CD24: variants seen among roughly 807,000 people sequenced by gnomAD.
The protein encoded by CD24 is CD24 molecule, also known as signal transducer CD24.
In CD24, 2 loss-of-function variants were observed where a neutral mutation model predicts 3.6. The observed-to-expected ratio is 0.56, with a 90% CI of 0.23 to 1.77. The LOEUF (loss-of-function observed/expected upper bound fraction) is 1.77, where lower values mean the gene tolerates loss of function less well. Ranked by LOEUF, CD24 falls within the 40% of genes most tolerant of loss-of-function variation. CD24 has a pLI of 0.18. For synonymous variants in CD24, 33 were observed against 44.9 expected, an observed-to-expected ratio of 0.74 and a Z score of 1.06; for missense variants, 62 against 93.6, an observed-to-expected ratio of 0.66 and a Z score of 1.39.
intron 1 of CD24, among the ~76,000 whole-genome samples, 160 bp downstream of exon 1, chr6:106,974,418 C>T (rs1452835522): frequency 6.6e-6 from 1 of 152,170 alleles, no homozygotes; most frequent in African/African-American, 2.4e-5. Context: ...AAAATGGGGT[C>T]CACATGGCCC....
upstream of CD24, chr6:106,975,210 CTGCAAAA>C (rs1355376211): frequency 1.5e-4 from 23 of 152,194 alleles, no homozygotes; most frequent in Non-Finnish European, 2.6e-4. Flanking sequence ...GCCACTCAGA[CTGCAAAA>C]TGCGCCCCGG....
chr6:106,974,013 G>C, intron 1 of CD24: 1 of 397,808 alleles, frequency 2.5e-6, no homozygotes, highest in East Asian at 3.6e-5. Context: ...CTCGGCTTCA[G>C]CCCGGAACCG....
upstream of CD24, chr6:106,975,380 G>C (rs1773087467): frequency 6.6e-6 from 1 of 151,818 alleles, no homozygotes; most frequent in African/African-American, 2.4e-5. Flanking sequence ...CTGGCCGACG[G>C]GACCCGGGCG....
chr6:106,974,383 G>C (rs1054543347), intron 1 of CD24, among the ~76,000 whole-genome samples, 195 bp downstream of exon 1: 9 of 152,210 alleles, frequency 5.9e-5, no homozygotes, highest in African/African-American at 1.9e-4. Context: ...GTGGGAGGAG[G>C]GGGGGCAGCA....
At position 106,971,629 on chromosome 6, in the gene CD24, A is replaced by G; in HGVS notation, c.*32T>C. ...TTTGGATTGGGTTTAGAAGATGGGG[A>G]AATTTAGAAGACGTTTCTTGGCCTG... is the stretch of plus-strand genomic sequence containing the variant. On this transcript the variant is annotated 3_prime_UTR_variant, in exon 2 of 2. Coordinates refer to ENST00000606017, the MANE Select transcript of CD24 (RefSeq NM_001359084.1). The G allele has an allele frequency of 6.5e-7, 1 of 1,541,046 alleles. No individual in the cohort carries two copies. Among genetic ancestry groups the G allele is most frequent in the East Asian group, 2.5e-5 (1 of 40,772 alleles).
At chr6:106,972,910 T>C (rs1471866346) in intron 1 of CD24, among the ~76,000 whole-genome samples, 4 of 152,170 alleles carry the variant, frequency 2.6e-5, no homozygotes, top group Non-Finnish European at 5.9e-5. Flanking sequence ...TAAACAAATA[T>C]TGACTACAGA....
intron 1 of CD24, among the ~76,000 whole-genome samples, chr6:106,972,994 G>C (rs1773010441): frequency 2.6e-5 from 4 of 151,946 alleles, no homozygotes; most frequent in Admixed American, 2.6e-4. Flanking sequence ...TTTATTTATC[G>C]GGCACCTACT....
chr6:106,974,432 C>T, intron 1 of CD24, 146 bp downstream of exon 1: 1 of 538,088 alleles, frequency 1.9e-6, no homozygotes, highest in Non-Finnish European at 3.2e-6. Flanking sequence ...ATGGCCCTCT[C>T]CCCTGGTCAG....
At chr6:106,972,300 T>TA (rs1772992694) in intron 1 of CD24, among the ~76,000 whole-genome samples, 1 of 152,204 alleles carries the variant, frequency 6.6e-6, no homozygotes, top group African/African-American at 2.4e-5. Context: ...CTGGATTTGC[T>TA]AGGTAACTTT....
Position 106,970,050 on chromosome 6 carries a change from A to C in CD24, c.*1611T>G, listed in dbSNP as rs1218323086. On this transcript the variant is annotated 3_prime_UTR_variant, in exon 2 of 2. Coordinates refer to ENST00000606017, the MANE Select transcript of CD24 (RefSeq NM_001359084.1). ...CCCATGTAGTTTTCTAAAGATGGAA[A>C]AAAAGGACTTTGGTCATCAAGACTA... 1 of 152,686 alleles carries C rather than the reference A, an allele frequency of 6.5e-6. No individual in the cohort carries two copies. The highest frequency in any genetic ancestry group is 1.5e-5 in the Non-Finnish European group (1 of 68,052). 9.5% of individuals were successfully genotyped at this position (152,686 alleles called of 1,614,324 possible). A position where few individuals can be genotyped will look rare whatever the true frequency, so the allele number is the denominator to read the frequency against.
chr6:106,976,819 A>G (rs1297037298), upstream of CD24, among the ~76,000 whole-genome samples: 1 of 152,118 alleles, frequency 6.6e-6, no homozygotes, highest in East Asian at 1.9e-4. Flanking sequence ...GTGAGCAGAG[A>G]TCAGGCCATT....
rs1283361831 is a variant in CD24, at chr6:106,970,517, A to T, written c.*1144T>A. The T allele has an allele frequency of 5.2e-5, 8 of 152,540 alleles. 1 individual carries two copies. The South Asian group carries it at 1.7e-3, about 32-fold the overall frequency. The allele number at this position is 152,540 out of a possible 1,614,324, so 9.4% of individuals were successfully genotyped here. A position where few individuals can be genotyped will look rare whatever the true frequency, so the allele number is the denominator to read the frequency against. On this transcript the variant is annotated 3_prime_UTR_variant, in exon 2 of 2. Transcript: ENST00000606017. The stretch of plus-strand genomic sequence containing the variant: ...AAGTATTCAACATATGCAGAAATAA[A>T]AAGCATTTTGATGGCTGGGCGCGGG...
intron 1 of CD24, 28 bp downstream of exon 1, chr6:106,974,550 C>T: frequency 1.5e-6 from 2 of 1,379,076 alleles, no homozygotes; most frequent in South Asian, 1.5e-5. Flanking sequence ...GAACGGCCCT[C>T]GAGCCCCGCC....
intron 1 of CD24, among the ~76,000 whole-genome samples, chr6:106,972,494 T>C (rs1228339575): frequency 6.6e-6 from 1 of 152,208 alleles, no homozygotes; most frequent in African/African-American, 2.4e-5. Context: ...GAAAACACCA[T>C]GAAGTCGGAA....
In CD24 at chr6:106,970,927, G is replaced by A. The variant is rs1346011544; in HGVS notation, c.*734C>T. On this transcript the variant is annotated 3_prime_UTR_variant, in exon 2 of 2. Coordinates refer to ENST00000606017, the MANE Select transcript of CD24 (RefSeq NM_001359084.1). ...CTTGTTGAATGGAAACAGGTGATAGGAAATGCCTACCATTTGACTCAATAT... is the reference window on the plus strand; with the variant it reads ...CTTGTTGAATGGAAACAGGTGATAGAAAATGCCTACCATTTGACTCAATAT... The A allele has an allele frequency of 6.6e-6, 1 of 152,224 alleles. No individual in the cohort carries two copies. The highest frequency in any genetic ancestry group is 2.4e-5 in the African/African-American group (1 of 41,434). The allele number at this position is 152,224 out of a possible 1,614,324, so 9.4% of individuals were successfully genotyped here.
At chr6:106,972,483 A>G (rs2114898723) in intron 1 of CD24, among the ~76,000 whole-genome samples, 1 of 152,350 alleles carries the variant, frequency 6.6e-6, no homozygotes, top group South Asian at 2.1e-4. Flanking sequence ...AATGACTTCA[A>G]GAAAACACCA....
intron 1 of CD24, chr6:106,973,451 A>G (rs1202711414): frequency 2.6e-6 from 1 of 387,188 alleles, no homozygotes; most frequent in South Asian, 1.4e-4. Context: ...GGAGGAAGAC[A>G]ATAGGGTACG....
At chr6:106,973,678 C>T in intron 1 of CD24, 1 of 398,758 alleles carries the variant, frequency 2.5e-6, no homozygotes, top group East Asian at 3.6e-5. Context: ...ACCTTCTTCG[C>T]CCCCGCCCCC....
intron 1 of CD24, among the ~76,000 whole-genome samples, chr6:106,972,719 C>T (rs1773004286): frequency 6.6e-6 from 1 of 152,088 alleles, no homozygotes; most frequent in African/African-American, 2.4e-5. Context: ...AAAGGCAGAT[C>T]GGAGTTTTCA....
Sources: allele counts gnomAD v4.1 joint callset (sites outside exome capture counted in the v4.1 genomes callset), GRCh38; gene constraint gnomAD v4.1.1; transcripts MANE v1.5; gene names NCBI Gene and HGNC (gene_info 2026-07-23, HGNC 2026-07-21).